The following MTHFD1 variants were observed in gnomAD, a reference collection of about 807,000 sequenced individuals.
MTHFD1 encodes methylenetetrahydrofolate dehydrogenase, cyclohydrolase and formyltetrahydrofolate synthetase 1.
Under a neutral mutation model 110.3 loss-of-function variants are expected in MTHFD1, and 44 were observed. The observed-to-expected ratio is 0.40, with a 90% CI of 0.31 to 0.51. The LOEUF is 0.51. Ranked by LOEUF, MTHFD1 falls within the 20% of genes least tolerant of loss-of-function variation. The pLI is 0.60. For synonymous variants in MTHFD1, 402 were observed against 428.8 expected, an observed-to-expected ratio of 0.94 and a Z score of 0.77; for missense variants, 909 against 1,173.1, an observed-to-expected ratio of 0.77 and a Z score of 3.29.
intron 17 of MTHFD1, among the ~76,000 whole-genome samples, chr14:64,439,801 C>T (rs998389367): frequency 8.1e-5 from 12 of 147,868 alleles, no homozygotes; most frequent in East Asian, 2.0e-4. Context: ...GGCTGAGGCG[C>T]GAAAATTGCC....
intron 8 of MTHFD1, among the ~76,000 whole-genome samples, chr14:64,424,486 A>C (rs1326752733): frequency 6.6e-6 from 1 of 152,226 alleles, no homozygotes; most frequent in African/African-American, 2.4e-5. Flanking sequence ...TTAACATTTT[A>C]AAATGGGTGC....
intron 2 of MTHFD1, among the ~76,000 whole-genome samples, chr14:64,401,700 C>A (rs377737724): frequency 3.6e-3 from 503 of 138,502 alleles, no homozygotes; most frequent in Middle Eastern, 7.4e-3. Context: ...GATTCCGTCT[C>A]AAAAAAAAAA....
chr14:64,415,593 C>T lies in MTHFD1; in HGVS notation c.378-46C>T, dbSNP rs765289796. 3.1e-6 allele frequency: 5 copies of T among 1,612,354 alleles called. No individual in the cohort carries two copies. The Admixed American group carries it at 6.7e-5, about 21-fold the overall frequency. ...CATAAATGTTTCTAAAGAGTAAAGA[C>T]ATCTAATTGCCTTTATTTCCTTCTT... On this transcript the variant is annotated intron_variant, in intron 5 of 27. Transcript: ENST00000652337.
chr14:64,447,149 C>CTTTTTTTTTT (rs35824559), intron 22 of MTHFD1, among the ~76,000 whole-genome samples: 2 of 56,226 alleles, frequency 3.6e-5, no homozygotes, highest in African/African-American at 7.9e-5. Flanking sequence ...CAGCTCAGTT[C>CTTTTTTTTTT]TTTTTTTTTT....
chr14:64,441,654 A>G (rs1028408958), intron 19 of MTHFD1: 31 of 588,878 alleles, frequency 5.3e-5, no homozygotes, highest in African/African-American at 5.6e-5. Flanking sequence ...AAAATACAAA[A>G]AATTAGCCGG....
intron 1 of MTHFD1, among the ~76,000 whole-genome samples, chr14:64,398,416 GTGCACCTGTAGTTCCAGC>G (rs2077873663): frequency 6.6e-6 from 1 of 152,130 alleles, no homozygotes; most frequent in African/African-American, 2.4e-5. Flanking sequence ...GTGTGGTGGT[GTGCACCTGTAGTTCCAGC>G]TACTTGGGAG....
intron 15 of MTHFD1, among the ~76,000 whole-genome samples, chr14:64,433,714 A>T (rs74994143): frequency 0.26 from 33,327 of 129,150 alleles, 4,403 homozygotes; most frequent in African/African-American, 0.37. Context: ...TGAGCTCAGC[A>T]TTTTTTTTTT....
intron 16 of MTHFD1, among the ~76,000 whole-genome samples, chr14:64,438,058 C>T (rs946351062): frequency 6.6e-6 from 1 of 152,022 alleles, no homozygotes; most frequent in African/African-American, 2.4e-5. Flanking sequence ...TTTTTAGTAG[C>T]GACAGGGTTT....
At chr14:64,433,652 C>T (rs1048956037) in intron 15 of MTHFD1, among the ~76,000 whole-genome samples, 14 of 150,810 alleles carry the variant, frequency 9.3e-5, no homozygotes, top group African/African-American at 3.2e-4. Context: ...TGGGCTCAAG[C>T]AATCTGCCTA....
At chr14:64,451,166 A>G (rs564687916) in intron 24 of MTHFD1, among the ~76,000 whole-genome samples, 4 of 151,890 alleles carry the variant, frequency 2.6e-5, no homozygotes, top group Non-Finnish European at 5.9e-5. Flanking sequence ...CTTCGTCTCA[A>G]AAAAAAAATT....
chr14:64,401,375 A>G (rs2077895332), intron 2 of MTHFD1, among the ~76,000 whole-genome samples: 1 of 152,118 alleles, frequency 6.6e-6, no homozygotes, highest in South Asian at 2.1e-4. Context: ...TATTGTTTAT[A>G]CAGATTTATC....
At chr14:64,413,246 G>A (rs2077998708) in intron 4 of MTHFD1, among the ~76,000 whole-genome samples, 2 of 152,084 alleles carry the variant, frequency 1.3e-5, no homozygotes, top group African/African-American at 4.8e-5. Context: ...CAGCTACTTG[G>A]AAGGTTGAGG....
chr14:64,436,887 A>T (rs1173851904), intron 16 of MTHFD1, among the ~76,000 whole-genome samples: 1 of 152,238 alleles, frequency 6.6e-6, no homozygotes, highest in Non-Finnish European at 1.5e-5. Flanking sequence ...AGGCAGTCAT[A>T]CCTATTGACT....
chr14:64,432,085 A>C (rs185339036), intron 15 of MTHFD1, among the ~76,000 whole-genome samples: 1 of 152,230 alleles, frequency 6.6e-6, no homozygotes, highest in African/African-American at 2.4e-5. Flanking sequence ...AACACTGACA[A>C]CCTGCCCTCA....
chr14:64,439,352 TC>T (rs1272325642), intron 17 of MTHFD1, 180 bp downstream of exon 17: 6 of 636,188 alleles, frequency 9.4e-6, no homozygotes, highest in African/African-American at 9.0e-5. Flanking sequence ...TTGCAATAAA[TC>T]CCATGTGTCA....
intron 24 of MTHFD1, among the ~76,000 whole-genome samples, chr14:64,452,320 T>C (rs548706274): frequency 6.6e-6 from 1 of 152,362 alleles, no homozygotes; most frequent in Admixed American, 6.5e-5. Context: ...CTGCCTAATA[T>C]GTTCTTTTAG....
chr14:64,413,191 A>T (rs918888294), intron 4 of MTHFD1, among the ~76,000 whole-genome samples: 1 of 151,876 alleles, frequency 6.6e-6, no homozygotes, highest in African/African-American at 2.4e-5. Context: ...GTCTCTACTA[A>T]AAAATACAAA....
intron 15 of MTHFD1, among the ~76,000 whole-genome samples, chr14:64,433,713 CATTTTTTTTTT>C (rs1217903542): frequency 7.5e-6 from 1 of 133,256 alleles, no homozygotes; most frequent in African/African-American, 2.9e-5. Context: ...CTGAGCTCAG[CATTTTTTTTTT>C]TTTTTTTTTT....
chr14:64,395,500 C>G (rs190316333), intron 1 of MTHFD1, among the ~76,000 whole-genome samples: 1 of 152,168 alleles, frequency 6.6e-6, no homozygotes, highest in Admixed American at 6.5e-5. Flanking sequence ...TACCAGGACT[C>G]CGAAGGTTCT....
Sources: allele counts gnomAD v4.1 joint callset (sites outside exome capture counted in the v4.1 genomes callset), GRCh38; gene constraint gnomAD v4.1.1; transcripts MANE v1.5; gene names NCBI Gene and HGNC (gene_info 2026-07-23, HGNC 2026-07-21).